HECW1: variants seen among roughly 807,000 people sequenced by gnomAD.
HECW1 encodes the protein HECT, C2 and WW domain containing E3 ubiquitin protein ligase 1.
HECW1 carries 61 observed loss-of-function variants against 182.3 expected under a neutral mutation model. The ratio of observed to expected loss-of-function variants is 0.33; its 90% CI spans 0.27 to 0.41. The LOEUF (loss-of-function observed/expected upper bound fraction) is 0.41. Ranked by LOEUF, HECW1 falls within the 10% of genes least tolerant of loss-of-function variation. The pLI is 1.00. For synonymous variants in HECW1, 859 were observed against 832.6 expected, an observed-to-expected ratio of 1.03 and a Z score of -0.55; for missense variants, 1,739 against 2,108.9, an observed-to-expected ratio of 0.82 and a Z score of 3.44.
chr7:43,153,933 C>T (rs1789613458), intron 2 of HECW1, among the ~76,000 whole-genome samples: 1 of 151,820 alleles, frequency 6.6e-6, no homozygotes, highest in African/African-American at 2.4e-5. Flanking sequence ...GAGATGTTTA[C>T]TTTTTGAAGA....
At chr7:43,546,462 C>T (rs1345434140) in intron 26 of HECW1, among the ~76,000 whole-genome samples, 2 of 151,860 alleles carry the variant, frequency 1.3e-5, no homozygotes, top group Non-Finnish European at 2.9e-5. Flanking sequence ...GACATCCTTT[C>T]CATAGAGTGT....
intron 2 of HECW1, among the ~76,000 whole-genome samples, chr7:43,162,517 G>A (rs372517665): frequency 6.6e-6 from 1 of 152,336 alleles, no homozygotes; most frequent in African/African-American, 2.4e-5. Flanking sequence ...GGATCCACCT[G>A]AATAATCCAG....
At chr7:43,327,329 G>T (rs772703182) in intron 5 of HECW1, among the ~76,000 whole-genome samples, 2 of 152,034 alleles carry the variant, frequency 1.3e-5, no homozygotes, top group Non-Finnish European at 2.9e-5. Flanking sequence ...ATAGAGCTCC[G>T]TGGAAACCAA....
chr7:43,466,673 G>A, intron 15 of HECW1, 105 bp downstream of exon 15: 2 of 1,324,502 alleles, frequency 1.5e-6, no homozygotes, highest in African/African-American at 1.5e-5. Context: ...TTTAACATAA[G>A]CAAGAAAAAA....
chr7:43,171,135 A>T (rs114634247), intron 2 of HECW1, among the ~76,000 whole-genome samples: 1,651 of 152,322 alleles, frequency 0.011, 30 homozygotes, highest in African/African-American at 0.038. Context: ...AAATGAAAAC[A>T]TGAAAATAAG....
rs1257840108 is a variant in HECW1 at position 43,243,510 on chromosome 7, G to A, written c.-31-365G>A. Among the ~76,000 whole-genome samples the A allele has an allele frequency of 6.6e-6, 1 of 151,986 alleles. No individual in the cohort carries two copies. The highest frequency in any genetic ancestry group is 2.4e-5 in the African/African-American group (1 of 41,338). ...TCAGGAGTGGATCATATGTGAGGAT[G>A]CTTTTCGCTGGCCTTCTCAGACGGC... On this transcript the variant is annotated intron_variant, in intron 2 of 29. Transcript: ENST00000395891. The surrounding 1 kb of genome is among the most constrained non-coding windows in gnomAD (Gnocchi z 4.0).
intron 9 of HECW1, chr7:43,438,348 T>C: frequency 2.3e-6 from 1 of 442,706 alleles, no homozygotes. Context: ...TTTCACTTGA[T>C]GTGTAACACT....
intron 6 of HECW1, among the ~76,000 whole-genome samples, chr7:43,379,335 C>T (rs569698604): frequency 6.6e-6 from 1 of 152,338 alleles, no homozygotes; most frequent in East Asian, 1.9e-4. Flanking sequence ...AGCCAGCCTG[C>T]CTGCACACAC....
chr7:43,546,936 G>A (rs1041317483), intron 26 of HECW1, among the ~76,000 whole-genome samples: 33 of 151,998 alleles, frequency 2.2e-4, no homozygotes, highest in Admixed American at 1.9e-3. Flanking sequence ...TTTCCAGAAC[G>A]GGGCACTTTC....
At chr7:43,202,797 C>T (rs780510721) in intron 2 of HECW1, among the ~76,000 whole-genome samples, 9 of 152,272 alleles carry the variant, frequency 5.9e-5, no homozygotes, top group South Asian at 2.1e-4. Flanking sequence ...TGAAGAATCA[C>T]GAAAGAAGTG....
At chr7:43,429,305 T>TATATATATATATATATATATATAC (rs2076462477) in intron 8 of HECW1, among the ~76,000 whole-genome samples, 1 of 25,144 alleles carries the variant, frequency 4.0e-5, no homozygotes, top group Non-Finnish European at 8.5e-5. Flanking sequence ...TATATATATA[T>TATATATATATATATATATATATAC]ATATATATAT....
rs556668504 is a variant in HECW1, at chr7:43,516,149, G to A, written c.4019+7028G>A. 3.1e-3 allele frequency among the ~76,000 whole-genome samples: 477 copies of A among 152,096 alleles called. 4 individuals carry two copies. Among genetic ancestry groups the A allele is most frequent in the South Asian group, 0.023 (113 of 4,816 alleles). On this transcript the variant is annotated intron_variant, in intron 24 of 29. Transcript: ENST00000395891. Reference sequence around the variant, plus strand: ...AAAAGTATTAATATGTTTATAATTCGTTGTCGTTTCTTCCCGAAAATGTAA... The same window carrying A: ...AAAAGTATTAATATGTTTATAATTCATTGTCGTTTCTTCCCGAAAATGTAA...
At chr7:43,141,751 G>A (rs975591551) in intron 2 of HECW1, among the ~76,000 whole-genome samples, 6 of 152,158 alleles carry the variant, frequency 3.9e-5, no homozygotes, top group African/African-American at 1.4e-4. Flanking sequence ...GCCAGCCTCG[G>A]CCTCCCAAAG....
At chr7:43,198,278 TCACA>T (rs989925561) in intron 2 of HECW1, among the ~76,000 whole-genome samples, 1 of 140,228 alleles carries the variant, frequency 7.1e-6, no homozygotes, top group South Asian at 2.3e-4. Flanking sequence ...CACCCCACAC[TCACA>T]CACCACACAC....
intron 2 of HECW1, among the ~76,000 whole-genome samples, chr7:43,217,870 A>G (rs1039457522): frequency 2.6e-5 from 4 of 152,186 alleles, no homozygotes; most frequent in African/African-American, 9.6e-5. Context: ...TTTTGGTGCC[A>G]TGTCCATCTC....
intron 3 of HECW1, among the ~76,000 whole-genome samples, chr7:43,302,160 A>G (rs1806895069): frequency 1.3e-5 from 2 of 152,210 alleles, no homozygotes; most frequent in Admixed American, 1.3e-4. Context: ...GGACACGACC[A>G]TGAATGGAGG....
intron 17 of HECW1, among the ~76,000 whole-genome samples, chr7:43,489,618 A>G (rs2078852648): frequency 6.6e-6 from 1 of 152,362 alleles, no homozygotes; most frequent in East Asian, 1.9e-4. Context: ...CAAGTAGGCC[A>G]TGGGCAATAA....
intron 2 of HECW1, among the ~76,000 whole-genome samples, chr7:43,131,539 T>C (rs1786918900): frequency 6.6e-6 from 1 of 152,210 alleles, no homozygotes; most frequent in Admixed American, 6.5e-5. Flanking sequence ...GACTGCATTT[T>C]TTTGGTATTT....
rs1444011762 is a variant in HECW1 at position 43,444,196 on chromosome 7, A to G, written c.1046-22A>G. ...AATGCTCTCTTCTGGGAGAAATGAC[A>G]TATTTTTCTTCTTACCAGCAGATGA... On this transcript the variant is annotated intron_variant, in intron 10 of 29. Coordinates refer to ENST00000395891, the MANE Select transcript of HECW1 (RefSeq NM_015052.5). The surrounding 1 kb of genome is among the most constrained non-coding windows in gnomAD (Gnocchi z 4.3). The G allele has an allele frequency of 1.3e-6, 2 of 1,580,332 alleles. No individual in the cohort carries two copies. Among genetic ancestry groups the G allele is most frequent in the Admixed American group, 1.8e-5 (1 of 56,990 alleles).
Sources: gnomAD v4.1 joint callset for allele counts (sites outside exome capture counted in the v4.1 genomes callset) on GRCh38, gnomAD v4.1.1 for gene constraint, Gnocchi (gnomAD v3.1) non-coding constraint, MANE v1.5 for transcripts, NCBI Gene and HGNC (gene_info 2026-07-23, HGNC 2026-07-21) for gene names.